The following ZSWIM6 variants were observed in gnomAD, a reference collection of about 807,000 sequenced individuals.
ZSWIM6 encodes the protein zinc finger SWIM-type containing 6.
A neutral mutation model predicts 113.2 loss-of-function variants in ZSWIM6; 9 were observed. That is an observed-to-expected ratio of 0.08 (90% CI 0.05 to 0.14). The LOEUF (loss-of-function observed/expected upper bound fraction) is 0.14, where lower values mean the gene tolerates loss of function less well. Among genes scored for constraint, ZSWIM6 ranks in the 10% least tolerant of loss-of-function variants. The pLI, the probability that ZSWIM6 is intolerant of heterozygous loss-of-function variation, is 1.00. For missense variants in ZSWIM6, 1,162 were observed against 1,552.2 expected (o/e 0.75, Z 4.22); for synonymous variants, 611 against 606.5 (o/e 1.01, Z -0.11).
chr5:61,407,045 T>A (rs912356404), intron 1 of ZSWIM6, among the ~76,000 whole-genome samples: 3 of 152,172 alleles, frequency 2.0e-5, no homozygotes, highest in Non-Finnish European at 4.4e-5. Context: ...TTAGTTTCAT[T>A]TAAAAATAAC....
chr5:61,524,247 A>G (rs903182347), intron 5 of ZSWIM6, among the ~76,000 whole-genome samples: 1 of 152,124 alleles, frequency 6.6e-6, no homozygotes, highest in Non-Finnish European at 1.5e-5. Context: ...CAATAGATTC[A>G]AAACGTCCTT....
Position 61,544,354 on chromosome 5 carries a change from G to T in ZSWIM6, c.*37G>T. On this transcript the variant is annotated 3_prime_UTR_variant, in exon 14 of 14. Coordinates refer to ENST00000252744, the MANE Select transcript of ZSWIM6 (RefSeq NM_020928.2). ...TGAATGGGGTGGGGGGTGGGGATGGGAGGGATGGTTTGTTTTTACTTGAGC... is the reference window on the plus strand; with the variant it reads ...TGAATGGGGTGGGGGGTGGGGATGGTAGGGATGGTTTGTTTTTACTTGAGC... 4.3e-6 allele frequency: 2 copies of T among 466,596 alleles called. No homozygotes were observed. The highest frequency in any genetic ancestry group is 2.9e-5 in the Admixed American group (1 of 34,094). The allele number at this position is 466,596 out of a possible 1,614,324, so 28.9% of individuals were successfully genotyped here.
intron 1 of ZSWIM6, among the ~76,000 whole-genome samples, chr5:61,438,065 G>A (rs1287762023): frequency 1.3e-5 from 2 of 151,968 alleles, no homozygotes; most frequent in East Asian, 3.9e-4. Context: ...TATATTATGA[G>A]GACCATATAA....
chr5:61,520,253 A>G (rs1204982169), intron 4 of ZSWIM6, among the ~76,000 whole-genome samples: 3 of 152,210 alleles, frequency 2.0e-5, no homozygotes, highest in Non-Finnish European at 4.4e-5. Flanking sequence ...ATAAACAGAC[A>G]TGCACACATA....
At chr5:61,447,836 G>T (rs975839267) in intron 1 of ZSWIM6, among the ~76,000 whole-genome samples, 1 of 152,186 alleles carries the variant, frequency 6.6e-6, no homozygotes, top group African/African-American at 2.4e-5. Flanking sequence ...GGAGATGGGG[G>T]AGATCAGTCT....
intron 4 of ZSWIM6, among the ~76,000 whole-genome samples, chr5:61,515,781 A>G (rs1381501115): frequency 2.0e-5 from 3 of 152,004 alleles, no homozygotes; most frequent in African/African-American, 7.2e-5. Flanking sequence ...ATAATTGTGG[A>G]TTTGTCTGTT....
chr5:61,383,975 C>T (rs1209826090), intron 1 of ZSWIM6, among the ~76,000 whole-genome samples: 1 of 151,320 alleles, frequency 6.6e-6, no homozygotes, highest in Non-Finnish European at 1.5e-5. Context: ...GGCGCGGTGG[C>T]TCACGCCTGT....
chr5:61,375,319 A>G (rs1745349404), intron 1 of ZSWIM6: 1 of 1,606,618 alleles, frequency 6.2e-7, no homozygotes, highest in Non-Finnish European at 8.5e-7. Context: ...TGAGAACTGG[A>G]AGAAAGAACT....
At chr5:61,520,921 G>T (rs1480069224) in intron 4 of ZSWIM6, among the ~76,000 whole-genome samples, 1 of 151,996 alleles carries the variant, frequency 6.6e-6, no homozygotes, top group African/African-American at 2.4e-5. Flanking sequence ...GTAAGAAGTT[G>T]ATTACTATTG....
At chr5:61,511,084 G>A (rs1470521070) in intron 4 of ZSWIM6, among the ~76,000 whole-genome samples, 1 of 152,120 alleles carries the variant, frequency 6.6e-6, no homozygotes, top group Non-Finnish European at 1.5e-5. Flanking sequence ...TGGTTATTAA[G>A]GCTAATTACA....
At chr5:61,530,881 G>A (rs1030525485) in intron 8 of ZSWIM6, among the ~76,000 whole-genome samples, 5 of 152,204 alleles carry the variant, frequency 3.3e-5, no homozygotes, top group Non-Finnish European at 7.3e-5. Flanking sequence ...CTGTCAGGAG[G>A]GTGAAAGGCA....
chr5:61,364,053 T>C (rs1745101571), intron 1 of ZSWIM6, among the ~76,000 whole-genome samples: 1 of 144,748 alleles, frequency 6.9e-6, no homozygotes, highest in Admixed American at 6.9e-5. Flanking sequence ...CTCCTTTCTC[T>C]CTTTCTTTCT....
At chr5:61,374,746 G>A (rs1267676356) in intron 1 of ZSWIM6, among the ~76,000 whole-genome samples, 2 of 151,922 alleles carry the variant, frequency 1.3e-5, no homozygotes, top group African/African-American at 4.8e-5. Flanking sequence ...TAGTAGAGAC[G>A]GGGTTTCACT....
At chr5:61,373,794 C>CA (rs1222610481) in intron 1 of ZSWIM6, among the ~76,000 whole-genome samples, 1 of 152,138 alleles carries the variant, frequency 6.6e-6, no homozygotes, top group Non-Finnish European at 1.5e-5. Flanking sequence ...TACTCCCCCC[C>CA]ACTCGTCAAC....
chr5:61,526,784 A>G (rs546461307), intron 7 of ZSWIM6, among the ~76,000 whole-genome samples: 1 of 152,186 alleles, frequency 6.6e-6, no homozygotes, highest in African/African-American at 2.4e-5. Context: ...TAACGTCCCA[A>G]ATGGGTGCCT....
intron 1 of ZSWIM6, among the ~76,000 whole-genome samples, chr5:61,356,760 A>T (rs1744922168): frequency 7.1e-6 from 1 of 140,124 alleles, no homozygotes. Context: ...TATTATATAT[A>T]ATATGTATAA....
intron 1 of ZSWIM6, among the ~76,000 whole-genome samples, chr5:61,406,048 C>T (rs1746037327): frequency 6.6e-6 from 1 of 152,180 alleles, no homozygotes. Flanking sequence ...GGGTCTTCTG[C>T]ATCTCAGGGT....
intron 2 of ZSWIM6, among the ~76,000 whole-genome samples, chr5:61,478,845 TTAAGTTATAAG>T (rs1367929944): frequency 6.6e-6 from 1 of 152,170 alleles, no homozygotes; most frequent in African/African-American, 2.4e-5. Flanking sequence ...AGTTTTGCCC[TTAAGTTATAAG>T]TAAAACTTGA....
At chr5:61,432,199 T>C (rs1419690009) in intron 1 of ZSWIM6, among the ~76,000 whole-genome samples, 1 of 152,226 alleles carries the variant, frequency 6.6e-6, no homozygotes, top group Non-Finnish European at 1.5e-5. Flanking sequence ...CCCTCTTCTC[T>C]AAAACATTAA....
Sources: gnomAD v4.1 joint callset for allele counts (sites outside exome capture counted in the v4.1 genomes callset) on GRCh38, gnomAD v4.1.1 for gene constraint, MANE v1.5 for transcripts, NCBI Gene and HGNC (gene_info 2026-07-23, HGNC 2026-07-21) for gene names.